Variants in PTPRR observed in about 807,000 individuals in gnomAD.
PTPRR encodes receptor-type tyrosine-protein phosphatase R.
A neutral mutation model predicts 77.2 loss-of-function variants in PTPRR; 38 were observed. That is an observed-to-expected ratio of 0.49 (90% CI 0.38 to 0.65). The LOEUF is 0.65. Ranked by LOEUF, PTPRR falls within the 30% of genes least tolerant of loss-of-function variation. The pLI is 0.00. For missense variants in PTPRR, 744 were observed against 799.2 expected (o/e 0.93, Z 0.83); for synonymous variants, 299 against 283.1 (o/e 1.06, Z -0.57).
At chr12:70,784,108 T>G in intron 2 of PTPRR, among the ~76,000 whole-genome samples, 1 of 152,286 alleles carries the variant, frequency 6.6e-6, no homozygotes, top group South Asian at 2.1e-4. Flanking sequence ...GCAGGGTTCC[T>G]GCTTGCTCGG....
intron 2 of PTPRR, among the ~76,000 whole-genome samples, chr12:70,876,033 G>T (rs1893046612): frequency 6.6e-6 from 1 of 152,138 alleles, no homozygotes. Flanking sequence ...AAGACTATGA[G>T]TACATCAGGC....
At chr12:70,716,629 A>C (rs1889042011) in intron 6 of PTPRR, among the ~76,000 whole-genome samples, 1 of 152,186 alleles carries the variant, frequency 6.6e-6, no homozygotes, top group Admixed American at 6.6e-5. Flanking sequence ...GACAGTAAGC[A>C]CCTAGGACCT....
chr12:70,664,223 A>C (rs1886898108), intron 10 of PTPRR: 1 of 152,204 alleles, frequency 6.6e-6, no homozygotes, highest in African/African-American at 2.4e-5. Context: ...ACTTAATGTT[A>C]ACATTAAGAG....
intron 10 of PTPRR, among the ~76,000 whole-genome samples, chr12:70,682,033 ACTTTTTT>A (rs1887683705): frequency 1.7e-5 from 1 of 59,514 alleles, no homozygotes; most frequent in African/African-American, 5.5e-5. Context: ...TTTGTTGTTC[ACTTTTTT>A]TTTTTTTTTT....
chr12:70,681,673 T>G (rs1051688374), intron 10 of PTPRR, among the ~76,000 whole-genome samples: 1 of 152,210 alleles, frequency 6.6e-6, no homozygotes, highest in African/African-American at 2.4e-5. Context: ...CAAACATACT[T>G]TCTTATTTGT....
intron 6 of PTPRR, among the ~76,000 whole-genome samples, chr12:70,744,313 C>A (rs1890144196): frequency 6.6e-6 from 1 of 152,152 alleles, no homozygotes; most frequent in African/African-American, 2.4e-5. Context: ...TCCATTTTCT[C>A]TACCTTTCCA....
intron 13 of PTPRR, among the ~76,000 whole-genome samples, chr12:70,644,321 A>G (rs954111148): frequency 2.0e-5 from 3 of 152,186 alleles, no homozygotes; most frequent in African/African-American, 7.2e-5. Flanking sequence ...GCTAAGCAGG[A>G]GTTAGTTTAC....
intron 6 of PTPRR, among the ~76,000 whole-genome samples, chr12:70,738,548 C>T (rs1345633662): frequency 6.6e-6 from 1 of 152,186 alleles, no homozygotes; most frequent in African/African-American, 2.4e-5. Context: ...ATCCAATTTG[C>T]CTGTTGATTT....
Position 70,877,423 on chromosome 12 carries a change from C to T in PTPRR, c.357+15256G>A, listed in dbSNP as rs1893069991. ...ACTGACATAATTACAATTCAATGTG[C>T]TTTACAGAACACATTTACTGATGCC... On this transcript the variant is annotated intron_variant, in intron 2 of 13. Coordinates refer to ENST00000283228, the MANE Select transcript of PTPRR (RefSeq NM_002849.4). Among the ~76,000 whole-genome samples, 2 of 152,102 alleles carry T rather than the reference C, an allele frequency of 1.3e-5. 1 individual carries two copies. The highest frequency in any genetic ancestry group is 1.3e-4 in the Admixed American group (2 of 15,270).
intron 2 of PTPRR, among the ~76,000 whole-genome samples, chr12:70,810,405 A>G (rs965973089): frequency 2.0e-5 from 3 of 152,204 alleles, no homozygotes; most frequent in Non-Finnish European, 4.4e-5. Context: ...CGTAGACATA[A>G]TATCATTACT....
At chr12:70,872,707 A>AAAAAAAAAAAC (rs1892981831) in intron 2 of PTPRR, among the ~76,000 whole-genome samples, 1 of 149,350 alleles carries the variant, frequency 6.7e-6, no homozygotes, top group Non-Finnish European at 1.5e-5. Flanking sequence ...AAAAAAAAAA[A>AAAAAAAAAAAC]AAAAAAAAAA....
rs187472158 is a variant in PTPRR, at chr12:70,684,343, C to T, written c.1360-79G>A. The T allele has an allele frequency of 5.2e-4, 771 of 1,487,622 alleles. 2 individuals are homozygous for T. The African/African-American group carries it at 8.2e-3, about 16-fold the overall frequency. 92.2% of individuals were successfully genotyped at this position (1,487,622 alleles called of 1,614,324 possible). The stretch of plus-strand genomic sequence containing the variant: ...GAAAGTGTAGGTGAAAGATCTTCAA[C>T]GAAATAGCTGGGCTAGTACAAAAGC... On this transcript the variant is annotated intron_variant, in intron 9 of 13. Transcript: ENST00000283228.
chr12:70,786,452 A>T lies in PTPRR; in HGVS notation c.358-21674T>A, dbSNP rs964434. Among the ~76,000 whole-genome samples the T allele has an allele frequency of 8.2e-3, 1,242 of 152,314 alleles. 9 individuals carry two copies. The highest frequency in any genetic ancestry group is 0.056 in the East Asian group (293 of 5,186). On this transcript the variant is annotated intron_variant, in intron 2 of 13. Transcript: ENST00000283228. The stretch of plus-strand genomic sequence containing the variant: ...AAGAAATTAAAAGTCCTTACAGGTC[A>T]TTGGAGCTTTATTTCAGATGTGGGT...
intron 6 of PTPRR, among the ~76,000 whole-genome samples, chr12:70,704,375 AC>A (rs1888540990): frequency 6.6e-6 from 1 of 152,054 alleles, no homozygotes; most frequent in Non-Finnish European, 1.5e-5. Context: ...GTAAGATTGC[AC>A]CACTGTCGTA....
intron 2 of PTPRR, among the ~76,000 whole-genome samples, chr12:70,855,618 A>G (rs1191257761): frequency 2.0e-5 from 3 of 152,190 alleles, no homozygotes; most frequent in Non-Finnish European, 4.4e-5. Context: ...AACCTTGAGC[A>G]AGCTTCCTAG....
intron 1 of PTPRR, among the ~76,000 whole-genome samples, chr12:70,897,576 C>T (rs1405297000): frequency 2.0e-5 from 3 of 151,912 alleles, no homozygotes; most frequent in Non-Finnish European, 4.4e-5. Flanking sequence ...ATTAGTTCAA[C>T]CATTGTGGAA....
At chr12:70,862,832 A>C (rs1402963067) in intron 2 of PTPRR, among the ~76,000 whole-genome samples, 1 of 152,164 alleles carries the variant, frequency 6.6e-6, no homozygotes, top group Non-Finnish European at 1.5e-5. Flanking sequence ...AGAACAAAAA[A>C]GAAGTACACC....
chr12:70,908,711 C>G (rs779892843), intron 1 of PTPRR, among the ~76,000 whole-genome samples: 6 of 152,110 alleles, frequency 3.9e-5, no homozygotes, highest in Non-Finnish European at 8.8e-5. Flanking sequence ...TTGAAGAGAT[C>G]CCTGTCCTGG....
intron 10 of PTPRR, among the ~76,000 whole-genome samples, chr12:70,675,709 T>A (rs766619050): frequency 6.6e-6 from 1 of 152,026 alleles, no homozygotes; most frequent in Admixed American, 6.5e-5. Flanking sequence ...TGTAGTTGTT[T>A]TGGTAAGATT....
Sources: gnomAD v4.1 joint callset for allele counts (sites outside exome capture counted in the v4.1 genomes callset) on GRCh38, gnomAD v4.1.1 for gene constraint, MANE v1.5 for transcripts, NCBI Gene and HGNC (gene_info 2026-07-23, HGNC 2026-07-21) for gene names.